EVC2: variants seen among roughly 807,000 people sequenced by gnomAD.
The protein encoded by EVC2 is EvC ciliary complex subunit 2.
EVC2 carries 148 observed loss-of-function variants against 149.3 expected under a neutral mutation model. That is an observed-to-expected ratio of 0.99 (90% CI 0.87 to 1.14). EVC2 has a LOEUF of 1.14. Ranked by LOEUF, EVC2 falls within the 50% of genes most tolerant of loss-of-function variation. The pLI, the probability that EVC2 is intolerant of heterozygous loss-of-function variation, is 0.00. For synonymous variants in EVC2, 776 were observed against 649.9 expected, an observed-to-expected ratio of 1.19 and a Z score of -2.95; for missense variants, 1,854 against 1,627.3, an observed-to-expected ratio of 1.14 and a Z score of -2.40.
chr4:5,689,316 C>A lies in EVC2; in HGVS notation c.547G>T (p.Ala183Ser). The A allele has an allele frequency of 6.2e-7, 1 of 1,614,168 alleles. No individual in the cohort carries two copies. Among genetic ancestry groups the A allele is most frequent in the Non-Finnish European group, 8.5e-7 (1 of 1,180,038 alleles). Residue 183 changes from alanine to serine, a missense_variant, in exon 5 of 22, where the codon GCC becomes TCC. By Grantham distance (99) the Ala-to-Ser change is moderately conservative. Coordinates refer to ENST00000344408, the MANE Select transcript of EVC2 (RefSeq NM_147127.5). ...TTGTTAACAAGCAGCCATATGCGGGCTGTCTGTGCTTCACTCGACCCAGAC... is the reference window on the plus strand; with the variant it reads ...TTGTTAACAAGCAGCCATATGCGGGATGTCTGTGCTTCACTCGACCCAGAC... ...LVSGSSEAQT[A>S]RIWLLVNNTK...
chr4:5,652,688 T>A (rs562318829), intron 9 of EVC2, among the ~76,000 whole-genome samples: 2 of 152,264 alleles, frequency 1.3e-5, no homozygotes, highest in African/African-American at 4.8e-5. Flanking sequence ...ATGAGGATTC[T>A]TGTGACTCAC....
At chr4:5,628,902 A>C (rs988545274) in intron 11 of EVC2, among the ~76,000 whole-genome samples, 168 bp from the exon 12 acceptor site, 3 of 152,210 alleles carry the variant, frequency 2.0e-5, no homozygotes, top group Non-Finnish European at 4.4e-5. Context: ...CTTATGAGAA[A>C]ATTACATACA....
chr4:5,600,697 T>C (rs150968234), intron 16 of EVC2, among the ~76,000 whole-genome samples: 1 of 152,320 alleles, frequency 6.6e-6, no homozygotes. Context: ...CAGATCTACC[T>C]TCCCAAGTCA....
chr4:5,682,498 A>T (rs1191480453), intron 6 of EVC2, among the ~76,000 whole-genome samples: 1 of 150,714 alleles, frequency 6.6e-6, no homozygotes, highest in African/African-American at 2.4e-5. Context: ...CTCAAAAAAA[A>T]AAAATAATAA....
chr4:5,588,441 A>C (rs1346671173), intron 16 of EVC2, among the ~76,000 whole-genome samples: 1 of 152,164 alleles, frequency 6.6e-6, no homozygotes, highest in Non-Finnish European at 1.5e-5. Context: ...GTTGTCATCA[A>C]ATTAGGCAAA....
At chr4:5,685,222 G>T in intron 6 of EVC2, 148 bp downstream of exon 6, 1 of 803,506 alleles carries the variant, frequency 1.2e-6, no homozygotes. Flanking sequence ...CAAGGCGTGT[G>T]AGACTCCAGG....
Position 5,615,257 on chromosome 4 carries a change from G to A in EVC2, c.2829+165C>T, listed in dbSNP as rs1439231572. Reference sequence around the variant, plus strand: ...AATGCACAGGGGAAAGGCCCAGGGGGAGGGTCTTCCAACTCTTTCTTACCT... The same window carrying A: ...AATGCACAGGGGAAAGGCCCAGGGGAAGGGTCTTCCAACTCTTTCTTACCT... On this transcript the variant is annotated intron_variant, in intron 16 of 21. Coordinates refer to ENST00000344408, the MANE Select transcript of EVC2 (RefSeq NM_147127.5). Among the ~76,000 whole-genome samples, 3 of 152,214 alleles carry A rather than the reference G, an allele frequency of 2.0e-5. No individual in the cohort carries two copies. The South Asian group carries it at 6.2e-4, about 32-fold the overall frequency.
intron 21 of EVC2, among the ~76,000 whole-genome samples, chr4:5,547,007 C>T (rs962334433): frequency 8.5e-5 from 13 of 152,320 alleles, no homozygotes; most frequent in Admixed American, 2.0e-4. Context: ...ACCCCTGTGG[C>T]CACAGCTACA....
At chr4:5,603,868 T>C (rs999444505) in intron 16 of EVC2, among the ~76,000 whole-genome samples, 3 of 152,236 alleles carry the variant, frequency 2.0e-5, no homozygotes, top group Non-Finnish European at 4.4e-5. Context: ...TGTGAGAAAT[T>C]TGTGTATACG....
intron 10 of EVC2, 149 bp from the exon 11 acceptor site, chr4:5,632,181 C>G (rs527343514): frequency 2.7e-6 from 3 of 1,112,458 alleles, no homozygotes; most frequent in Non-Finnish European, 3.8e-6. Flanking sequence ...AATATATACA[C>G]ACATGCGCAT....
In EVC2 at chr4:5,633,590, G is replaced by A. The variant is rs564287642; in HGVS notation, c.1471-1558C>T. Among the ~76,000 whole-genome samples, 8 of 152,344 alleles carry A rather than the reference G, an allele frequency of 5.3e-5. No homozygotes were observed. Among genetic ancestry groups the A allele is most frequent in the African/African-American group, 1.9e-4 (8 of 41,586 alleles). On this transcript the variant is annotated intron_variant, in intron 10 of 21. Coordinates refer to ENST00000344408, the MANE Select transcript of EVC2 (RefSeq NM_147127.5). The surrounding 1 kb of genome is among the most constrained non-coding windows in gnomAD (Gnocchi z 4.4). ...GAGCTTGTTGGTGAAGCGAAGGCAG[G>A]GAAAGGCTTACGCGTGCAGGATGCG...
chr4:5,579,010 A>G (rs1711528510), intron 17 of EVC2, among the ~76,000 whole-genome samples: 1 of 152,174 alleles, frequency 6.6e-6, no homozygotes, highest in African/African-American at 2.4e-5. Flanking sequence ...TGTGTCTCCA[A>G]TGCTCAGGGG....
At chr4:5,689,948 C>T (rs1040529931) in intron 4 of EVC2, among the ~76,000 whole-genome samples, 3 of 152,214 alleles carry the variant, frequency 2.0e-5, no homozygotes, top group Admixed American at 6.5e-5. Flanking sequence ...ACCAGCTTCT[C>T]TCCAGCTCTG....
In EVC2 at chr4:5,696,352, C is replaced by G. The variant is rs984038233; in HGVS notation, c.283+1241G>C. On this transcript the variant is annotated intron_variant, in intron 2 of 21. Coordinates refer to ENST00000344408, the MANE Select transcript of EVC2 (RefSeq NM_147127.5). This position sits in a 1 kb window ranked among gnomAD's most constrained non-coding sequence, Gnocchi z 4.1. ...CCCCTCCTCTATTCAGCAAGAATCC[C>G]GCTCAGTCTACAGAGCCAAGTGGGG... 6.6e-6 allele frequency among the ~76,000 whole-genome samples: 1 copy of G among 152,198 alleles called. No homozygotes were observed. Among genetic ancestry groups the G allele is most frequent in the African/African-American group, 2.4e-5 (1 of 41,456 alleles).
chr4:5,597,038 G>C (rs553834157), intron 16 of EVC2, among the ~76,000 whole-genome samples: 1 of 152,316 alleles, frequency 6.6e-6, no homozygotes, highest in East Asian at 1.9e-4. Context: ...TCTCGGAATA[G>C]ACTAATAACA....
Position 5,614,819 on chromosome 4 carries a change from A to C in EVC2, c.2829+603T>G, listed in dbSNP as rs1017710344. ...ATGGTGAAACCACATGTCTACTAAA[A>C]ATACAAAAATTAGCAGGTGTGATGG... On this transcript the variant is annotated intron_variant, in intron 16 of 21. Coordinates refer to ENST00000344408, the MANE Select transcript of EVC2 (RefSeq NM_147127.5). The surrounding 1 kb of genome is among the most constrained non-coding windows in gnomAD (Gnocchi z 4.7). Among the ~76,000 whole-genome samples, 1 of 131,756 alleles carries C rather than the reference A, an allele frequency of 7.6e-6. No individual in the cohort carries two copies. Among genetic ancestry groups the C allele is most frequent in the Admixed American group, 7.6e-5 (1 of 13,208 alleles). 86.4% of individuals were successfully genotyped at this position (131,756 alleles called of 152,430 possible).
intron 9 of EVC2, among the ~76,000 whole-genome samples, chr4:5,662,546 AATATTAAAT>A (rs1255151716): frequency 1.8e-5 from 2 of 110,244 alleles, no homozygotes; most frequent in Non-Finnish European, 4.0e-5. Flanking sequence ...ATATAATATT[AATATTAAAT>A]ATATTAAATA....
chr4:5,585,628 C>T (rs1712214187), intron 16 of EVC2, among the ~76,000 whole-genome samples: 1 of 152,004 alleles, frequency 6.6e-6, no homozygotes, highest in Non-Finnish European at 1.5e-5. Context: ...TTATAATAAC[C>T]TGCACATATT....
chr4:5,660,273 G>A (rs1718793607), intron 9 of EVC2, among the ~76,000 whole-genome samples: 1 of 152,172 alleles, frequency 6.6e-6, no homozygotes, highest in Non-Finnish European at 1.5e-5. Flanking sequence ...GCACTTACGA[G>A]GCTCCAAGCC....
Sources: gnomAD v4.1 joint callset for allele counts (sites outside exome capture counted in the v4.1 genomes callset) on GRCh38, gnomAD v4.1.1 for gene constraint, Gnocchi (gnomAD v3.1) non-coding constraint, MANE v1.5 for transcripts, NCBI Gene and HGNC (gene_info 2026-07-23, HGNC 2026-07-21) for gene names.